EML6: variants seen among roughly 807,000 people sequenced by gnomAD.
The protein encoded by EML6 is echinoderm microtubule-associated protein-like 6.
Under a neutral mutation model 240.1 loss-of-function variants are expected in EML6, and 154 were observed. That is an observed-to-expected ratio of 0.64 (90% CI 0.56 to 0.73). The LOEUF is 0.73. Among genes scored for constraint, EML6 ranks in the 30% least tolerant of loss-of-function variants. The probability of loss-of-function intolerance (pLI) is 0.00; values close to 1 mark genes in which losing one functional copy is unlikely to be tolerated. For synonymous variants in EML6, 1,148 were observed against 899.0 expected, an observed-to-expected ratio of 1.28 and a Z score of -4.95; for missense variants, 2,964 against 2,474.6, an observed-to-expected ratio of 1.20 and a Z score of -4.20.
chr2:54,939,816 A>G (rs1029955298), intron 28 of EML6, among the ~76,000 whole-genome samples: 10 of 152,136 alleles, frequency 6.6e-5, no homozygotes, highest in Admixed American at 2.6e-4. Flanking sequence ...TCCTCTCCCA[A>G]TTCTCTGTGA....
chr2:54,882,974 C>T (rs1671919113), intron 17 of EML6: 1 of 151,558 alleles, frequency 6.6e-6, no homozygotes, highest in South Asian at 2.1e-4. Context: ...TATTTTAGGT[C>T]CCTACCTTTA....
chr2:54,842,690 C>G (rs1180786692), intron 7 of EML6, among the ~76,000 whole-genome samples: 2 of 152,178 alleles, frequency 1.3e-5, no homozygotes, highest in African/African-American at 4.8e-5. Flanking sequence ...GATTCAAAAA[C>G]TCACTGCCTA....
At chr2:54,880,849 A>G (rs1438415530) in intron 17 of EML6, 1 of 152,190 alleles carries the variant, frequency 6.6e-6, no homozygotes, top group Admixed American at 6.5e-5. Context: ...ACATTTCTGG[A>G]TTTCAAAAGC....
intron 2 of EML6, among the ~76,000 whole-genome samples, chr2:54,744,780 T>C (rs1683824025): frequency 6.6e-6 from 1 of 151,876 alleles, no homozygotes; most frequent in Admixed American, 6.6e-5. Context: ...AGGTGCCTAT[T>C]GAAAATTTAA....
intron 7 of EML6, among the ~76,000 whole-genome samples, chr2:54,831,521 T>A (rs1668868753): frequency 6.6e-6 from 1 of 152,086 alleles, no homozygotes; most frequent in South Asian, 2.1e-4. Context: ...CCCTCCGTTA[T>A]ACATCAGTCT....
Position 54,971,543 on chromosome 2 carries a change from A to C in EML6, c.*1448A>C, listed in dbSNP as rs1157158942. ...TAGAATAGACTAACATTTACCACAG[A>C]AGTGCTTCAGCATTCTAAATGGATT... On this transcript the variant is annotated 3_prime_UTR_variant, in exon 42 of 42. Transcript: ENST00000356458. 1.3e-5 allele frequency: 2 copies of C among 152,236 alleles called. No homozygotes were observed. The highest frequency in any genetic ancestry group is 2.9e-5 in the Non-Finnish European group (2 of 68,020). The allele number at this position is 152,236 out of a possible 1,614,324, so 9.4% of individuals were successfully genotyped here. A position where few individuals can be genotyped will look rare whatever the true frequency, so the allele number is the denominator to read the frequency against.
intron 33 of EML6, among the ~76,000 whole-genome samples, chr2:54,958,759 G>T (rs772390666): frequency 3.4e-4 from 52 of 152,174 alleles, no homozygotes; most frequent in Non-Finnish European, 6.2e-4. Context: ...CCCTCTTGTA[G>T]AGGAGCCCTA....
intron 7 of EML6, among the ~76,000 whole-genome samples, chr2:54,831,061 G>A (rs930493): frequency 0.37 from 56,020 of 152,044 alleles, 14,642 homozygotes; most frequent in African/African-American, 0.74. Flanking sequence ...GCAAGTACCC[G>A]TAAGAGCAAT....
chr2:54,842,223 C>T (rs1177132308), intron 7 of EML6, among the ~76,000 whole-genome samples: 1 of 152,186 alleles, frequency 6.6e-6, no homozygotes, highest in African/African-American at 2.4e-5. Context: ...CCATACTCTG[C>T]CTGTTCATCA....
intron 24 of EML6, among the ~76,000 whole-genome samples, chr2:54,907,929 TA>T (rs1673415712): frequency 4.3e-5 from 2 of 46,366 alleles, no homozygotes; most frequent in East Asian, 4.4e-4. Context: ...GATAGATAGA[TA>T]GATAGATAGA....
chr2:54,891,184 G>A (rs745305790), intron 18 of EML6, 30 bp downstream of exon 18: 47 of 1,119,242 alleles, frequency 4.2e-5, no homozygotes, highest in Non-Finnish European at 5.9e-5. Context: ...TCATTTATGT[G>A]ATTGAGAGCT....
intron 35 of EML6, 43 bp from the exon 36 acceptor site, chr2:54,962,480 T>C (rs1676564027): frequency 1.4e-6 from 2 of 1,437,418 alleles, no homozygotes; most frequent in South Asian, 2.8e-5. Flanking sequence ...AGTGCAGTCA[T>C]ACAGTATTTG....
At chr2:54,842,081 C>T (rs1669490716) in intron 7 of EML6, among the ~76,000 whole-genome samples, 1 of 152,098 alleles carries the variant, frequency 6.6e-6, no homozygotes, top group Non-Finnish European at 1.5e-5. Flanking sequence ...GTGTCATTAT[C>T]ACCCAGATGC....
At chr2:54,738,242 A>G (rs899704163) in intron 2 of EML6, among the ~76,000 whole-genome samples, 1 of 152,134 alleles carries the variant, frequency 6.6e-6, no homozygotes, top group Non-Finnish European at 1.5e-5. Flanking sequence ...GAAGGTGCTT[A>G]AGAAGTGTTT....
chr2:54,924,045 C>T (rs1326268811), intron 26 of EML6, among the ~76,000 whole-genome samples: 3 of 152,120 alleles, frequency 2.0e-5, no homozygotes, highest in Non-Finnish European at 2.9e-5. Flanking sequence ...ACATACTTTT[C>T]CAGTTTTTGG....
chr2:54,968,376 G>A (rs534577900), intron 40 of EML6, 95 bp downstream of exon 40: 1 of 1,176,906 alleles, frequency 8.5e-7, no homozygotes, highest in Non-Finnish European at 1.2e-6. Context: ...GGGAGACACA[G>A]AGAAACCCTG....
intron 29 of EML6, 67 bp from the exon 30 acceptor site, chr2:54,950,583 T>TGGG: frequency 6.6e-7 from 1 of 1,525,172 alleles, no homozygotes; most frequent in Non-Finnish European, 8.9e-7. Flanking sequence ...TCACGCAATG[T>TGGG]GGGTGTGTTC....
At chr2:54,863,232 C>T (rs1329551017) in intron 12 of EML6, among the ~76,000 whole-genome samples, 1 of 152,146 alleles carries the variant, frequency 6.6e-6, no homozygotes, top group Non-Finnish European at 1.5e-5. Context: ...TATTTTTGCC[C>T]TAGCCTTTCA....
chr2:54,886,462 G>T (rs760126563), intron 17 of EML6, among the ~76,000 whole-genome samples: 1 of 152,116 alleles, frequency 6.6e-6, no homozygotes, highest in African/African-American at 2.4e-5. Context: ...GCGCCACCGC[G>T]TCTGGCCTCT....
Sources: allele counts gnomAD v4.1 joint callset (sites outside exome capture counted in the v4.1 genomes callset), GRCh38; gene constraint gnomAD v4.1.1; transcripts MANE v1.5; gene names NCBI Gene and HGNC (gene_info 2026-07-23, HGNC 2026-07-21).